The following PDZD2 variants were observed in gnomAD, a reference collection of about 807,000 sequenced individuals.
The protein encoded by PDZD2 is PDZ domain-containing protein 2.
A neutral mutation model predicts 220.7 loss-of-function variants in PDZD2; 90 were observed. The ratio of observed to expected loss-of-function variants is 0.41; its 90% CI spans 0.34 to 0.49. The LOEUF (loss-of-function observed/expected upper bound fraction) is 0.49. PDZD2 is among the 20% of genes least tolerant of loss of function. The pLI, the probability that PDZD2 is intolerant of heterozygous loss-of-function variation, is 0.28. For synonymous variants in PDZD2, 1,375 were observed against 1,450.5 expected (o/e 0.95, Z 1.18); for missense variants, 3,174 against 3,608.5 (o/e 0.88, Z 3.08).
intron 2 of PDZD2, among the ~76,000 whole-genome samples, chr5:31,900,360 T>C (rs909917140): frequency 6.6e-6 from 1 of 152,214 alleles, no homozygotes; most frequent in African/African-American, 2.4e-5. Context: ...TAGAAAGCTA[T>C]TTACATGTAG....
chr5:32,022,342 C>T (rs1048881445), intron 6 of PDZD2, among the ~76,000 whole-genome samples: 6 of 148,806 alleles, frequency 4.0e-5, no homozygotes, highest in South Asian at 2.1e-4. Context: ...GGACTACAGG[C>T]GCACACCGCC....
chr5:32,084,479 C>T (rs944748104), intron 19 of PDZD2, among the ~76,000 whole-genome samples: 10 of 152,188 alleles, frequency 6.6e-5, no homozygotes, highest in Non-Finnish European at 1.3e-4. Context: ...AGTGTTAACT[C>T]CTTAATTATT....
chr5:32,001,619 C>A (rs1752114432), intron 5 of PDZD2, among the ~76,000 whole-genome samples: 1 of 152,332 alleles, frequency 6.6e-6, no homozygotes, highest in South Asian at 2.1e-4. Context: ...TCTTTCACAC[C>A]CACCCTAGAG....
intron 2 of PDZD2, among the ~76,000 whole-genome samples, chr5:31,903,321 A>T (rs115129617): frequency 0.019 from 2,885 of 151,978 alleles, 47 homozygotes; most frequent in Non-Finnish European, 0.029. Context: ...AAATTAAAAT[A>T]AAAAAATATT....
intron 1 of PDZD2, among the ~76,000 whole-genome samples, chr5:31,693,294 T>C (rs1747222199): frequency 7.0e-6 from 1 of 142,138 alleles, no homozygotes; most frequent in African/African-American, 2.7e-5. Flanking sequence ...CAGGCTGAAG[T>C]GCAGTGGTAC....
At chr5:32,082,414 C>T (rs574672897) in intron 19 of PDZD2, among the ~76,000 whole-genome samples, 8 of 152,112 alleles carry the variant, frequency 5.3e-5, no homozygotes, top group South Asian at 2.1e-4. Flanking sequence ...CAAAATGACC[C>T]GTACACTGCA....
At chr5:31,830,235 G>A (rs1280943949) in intron 2 of PDZD2, among the ~76,000 whole-genome samples, 4 of 149,154 alleles carry the variant, frequency 2.7e-5, no homozygotes, top group South Asian at 2.1e-4. Context: ...GAGCGATCTC[G>A]GCTCACTGCA....
At chr5:32,084,528 G>A (rs549915370) in intron 19 of PDZD2, among the ~76,000 whole-genome samples, 17 of 152,146 alleles carry the variant, frequency 1.1e-4, no homozygotes, top group Admixed American at 2.6e-4. Flanking sequence ...CTAATAATTA[G>A]TTCTTAATTA....
intron 7 of PDZD2, among the ~76,000 whole-genome samples, chr5:32,045,598 T>C (rs570233719): frequency 6.6e-6 from 1 of 151,610 alleles, no homozygotes; most frequent in East Asian, 1.9e-4. Context: ...GTTTTTTTTT[T>C]TTGTATTTTT....
chr5:31,723,628 A>T (rs1748934190), intron 1 of PDZD2, among the ~76,000 whole-genome samples: 1 of 151,690 alleles, frequency 6.6e-6, no homozygotes, highest in Admixed American at 6.6e-5. Flanking sequence ...TATTTTTATT[A>T]TTTTTTGAGA....
chr5:31,859,275 C>A (rs1233125540), intron 2 of PDZD2, among the ~76,000 whole-genome samples: 3 of 152,094 alleles, frequency 2.0e-5, no homozygotes, highest in Non-Finnish European at 4.4e-5. Context: ...TCAATTAAAC[C>A]TTCTCTATTG....
At chr5:31,996,758 G>A (rs1243190863) in intron 4 of PDZD2, among the ~76,000 whole-genome samples, 1 of 152,148 alleles carries the variant, frequency 6.6e-6, no homozygotes, top group Admixed American at 6.5e-5. Flanking sequence ...GCACACTTCT[G>A]TAGTCCTAGC....
chr5:31,752,442 G>A (rs897796516), intron 1 of PDZD2, among the ~76,000 whole-genome samples: 11 of 152,044 alleles, frequency 7.2e-5, no homozygotes, highest in African/African-American at 2.4e-4. Context: ...GCAGCTACTC[G>A]GGAGGCTGAG....
chr5:31,859,894 T>C (rs901304993), intron 2 of PDZD2, among the ~76,000 whole-genome samples: 7 of 152,164 alleles, frequency 4.6e-5, no homozygotes, highest in African/African-American at 7.2e-5. Context: ...ACATACACTC[T>C]TGCTGGGGCC....
At chr5:31,727,735 G>A (rs1279191629) in intron 1 of PDZD2, among the ~76,000 whole-genome samples, 1 of 62,092 alleles carries the variant, frequency 1.6e-5, no homozygotes, top group Non-Finnish European at 3.2e-5. Flanking sequence ...CGGGCGCGGT[G>A]GCTTCACCTG....
chr5:31,833,528 C>A (rs1435911764), intron 2 of PDZD2, among the ~76,000 whole-genome samples: 1 of 151,310 alleles, frequency 6.6e-6, no homozygotes, highest in African/African-American at 2.4e-5. Flanking sequence ...TCGTAATCCG[C>A]CCACCTTGGC....
At chr5:32,022,872 G>A (rs1441936080) in intron 6 of PDZD2, among the ~76,000 whole-genome samples, 1 of 152,154 alleles carries the variant, frequency 6.6e-6, no homozygotes, top group Non-Finnish European at 1.5e-5. Context: ...CAGGGTCAGA[G>A]TTTTTAAGAT....
At chr5:32,003,436 C>T in intron 5 of PDZD2, among the ~76,000 whole-genome samples, 1 of 106,592 alleles carries the variant, frequency 9.4e-6, no homozygotes, top group Non-Finnish European at 1.8e-5. Context: ...CCCACACACA[C>T]CCTACACACT....
chr5:31,945,999 A>G (rs1360895459), intron 2 of PDZD2, among the ~76,000 whole-genome samples: 3 of 151,842 alleles, frequency 2.0e-5, no homozygotes, highest in Non-Finnish European at 2.9e-5. Flanking sequence ...TTTTATTTTC[A>G]TTTGTTTTTG....
Sources: allele counts gnomAD v4.1 joint callset (sites outside exome capture counted in the v4.1 genomes callset), GRCh38; gene constraint gnomAD v4.1.1; transcripts MANE v1.5; gene names NCBI Gene and HGNC (gene_info 2026-07-23, HGNC 2026-07-21).